Variants in SLC12A2 observed in about 807,000 individuals in gnomAD.
SLC12A2 encodes Na-K-2Cl cotransporter 1.
A neutral mutation model predicts 136.3 loss-of-function variants in SLC12A2; 67 were observed. That is an observed-to-expected ratio of 0.49 (90% CI 0.40 to 0.60). The LOEUF (loss-of-function observed/expected upper bound fraction) is 0.60. Ranked by LOEUF, SLC12A2 falls within the 20% of genes least tolerant of loss-of-function variation. The pLI is 0.00. For synonymous variants in SLC12A2, 619 were observed against 562.9 expected (o/e 1.10, Z -1.41); for missense variants, 1,322 against 1,534.7 (o/e 0.86, Z 2.32).
In SLC12A2 at chr5:128,187,806, C is replaced by T. The variant is rs1181673687; in HGVS notation, c.*1175C>T. 1 of 152,504 alleles carries T rather than the reference C, an allele frequency of 6.6e-6. No individual in the cohort carries two copies. Among genetic ancestry groups the T allele is most frequent in the Non-Finnish European group, 1.5e-5 (1 of 67,990 alleles). The allele number at this position is 152,504 out of a possible 1,614,324, so 9.4% of individuals were successfully genotyped here. A position where few individuals can be genotyped will look rare whatever the true frequency, so the allele number is the denominator to read the frequency against. ...TGTTAAGAAAAACTGCCAGTTTGTGCTTTTGAAATGTCTGTTTTGACATCA... is the reference window on the plus strand; with the variant it reads ...TGTTAAGAAAAACTGCCAGTTTGTGTTTTTGAAATGTCTGTTTTGACATCA... On this transcript the variant is annotated 3_prime_UTR_variant, in exon 27 of 27. Transcript: ENST00000262461.
chr5:128,148,962 A>G (rs1285869768), intron 12 of SLC12A2, 85 bp downstream of exon 12: 4 of 1,142,272 alleles, frequency 3.5e-6, no homozygotes. Flanking sequence ...TAACAATGTT[A>G]TCTTGGTATA....
intron 9 of SLC12A2, 137 bp downstream of exon 9, chr5:128,139,045 A>T (rs1000010066): frequency 6.0e-5 from 39 of 645,142 alleles, no homozygotes; most frequent in Non-Finnish European, 9.4e-5. Flanking sequence ...TGCTCATTAT[A>T]ATTCAAAAAC....
At chr5:128,146,384 T>G (rs1353450961) in intron 10 of SLC12A2, among the ~76,000 whole-genome samples, 1 of 151,760 alleles carries the variant, frequency 6.6e-6, no homozygotes, top group Non-Finnish European at 1.5e-5. Context: ...ATAGTGTCAT[T>G]TTAAAATCAT....
intron 6 of SLC12A2, 57 bp downstream of exon 6, chr5:128,134,332 G>A: frequency 3.3e-6 from 3 of 917,440 alleles, no homozygotes; most frequent in Non-Finnish European, 5.4e-6. Context: ...TAGAGCTTAT[G>A]TTTTGGGAAC....
At chr5:128,151,498 G>T in intron 14 of SLC12A2, 102 bp downstream of exon 14, 1 of 1,106,374 alleles carries the variant, frequency 9.0e-7, no homozygotes, top group South Asian at 1.6e-5. Context: ...ATCATCTTTT[G>T]TATATTTGAA....
intron 1 of SLC12A2, among the ~76,000 whole-genome samples, chr5:128,094,285 A>T (rs1392763031): frequency 6.6e-6 from 1 of 151,362 alleles, no homozygotes; most frequent in African/African-American, 2.4e-5. Context: ...AATAGGCCTA[A>T]TTCTTTACAT....
chr5:128,165,099 C>T (rs914882786), intron 17 of SLC12A2, among the ~76,000 whole-genome samples: 21 of 152,116 alleles, frequency 1.4e-4, no homozygotes, highest in African/African-American at 4.6e-4. Flanking sequence ...ACCTCAGCCT[C>T]TCAAAGTGCT....
chr5:128,175,507 CTCTTTTT>C (rs962024468), intron 20 of SLC12A2, among the ~76,000 whole-genome samples: 1 of 151,808 alleles, frequency 6.6e-6, no homozygotes, highest in African/African-American at 2.4e-5. Context: ...CTTTCATTTC[CTCTTTTT>C]TGTTTTTTTC....
intron 17 of SLC12A2, among the ~76,000 whole-genome samples, chr5:128,162,005 T>C (rs1295909625): frequency 3.3e-5 from 5 of 152,228 alleles, no homozygotes; most frequent in Admixed American, 2.6e-4. Flanking sequence ...TGGATTTGTA[T>C]AATTCAGAAT....
rs1238147587 is a variant in SLC12A2, at chr5:128,084,248, GGCGGCGGCGGCGGCA to G, written c.306_320del (p.Ala103_Ala107del). The G allele has an allele frequency of 3.1e-5, 38 of 1,233,230 alleles. 2 individuals are homozygous for G. The highest frequency in any genetic ancestry group is 1.3e-4 in the Admixed American group (3 of 23,302). The allele number at this position is 1,233,230 out of a possible 1,614,324, so 76.4% of individuals were successfully genotyped here. ...CCGGGCGGGCCGCTGCTGCGGCGGC[GGCGGCGGCGGCGGCA>G]GCGGCGGCGGCTGGTGCTGGGGCGG... is the stretch of plus-strand genomic sequence containing the variant. On this transcript the variant is annotated inframe_deletion, in exon 1 of 27. Coordinates refer to ENST00000262461, the MANE Select transcript of SLC12A2 (RefSeq NM_001046.3). This position sits in a 1 kb window ranked among gnomAD's most constrained non-coding sequence, Gnocchi z 5.6.
chr5:128,140,456 A>T (rs2126710455), intron 9 of SLC12A2, among the ~76,000 whole-genome samples: 1 of 152,348 alleles, frequency 6.6e-6, no homozygotes, highest in South Asian at 2.1e-4. Flanking sequence ...CATTATTGCT[A>T]AAGAAAATTT....
intron 4 of SLC12A2, among the ~76,000 whole-genome samples, chr5:128,118,560 G>T (rs558488001): frequency 3.3e-5 from 5 of 152,228 alleles, no homozygotes; most frequent in African/African-American, 1.2e-4. Flanking sequence ...AGACTTTGGG[G>T]ATGCGGGTGG....
At chr5:128,149,796 A>T (rs1762641275) in intron 12 of SLC12A2, among the ~76,000 whole-genome samples, 1 of 151,918 alleles carries the variant, frequency 6.6e-6, no homozygotes, top group African/African-American at 2.4e-5. Context: ...TAAAGTATAA[A>T]GGGGATTCAA....
intron 15 of SLC12A2, among the ~76,000 whole-genome samples, chr5:128,156,775 A>G (rs747703398): frequency 5.3e-5 from 8 of 152,244 alleles, no homozygotes; most frequent in Admixed American, 1.3e-4. Flanking sequence ...CATGTGGTCA[A>G]AGTCATCACT....
At position 128,141,843 on chromosome 5, in the gene SLC12A2, T is replaced by C. The variant is rs1163970414; in HGVS notation, c.1635T>C (p.Val545=). 1 of 1,613,038 alleles carries C rather than the reference T, an allele frequency of 6.2e-7. No homozygotes were observed. Among genetic ancestry groups the C allele is most frequent in the South Asian group, 1.1e-5 (1 of 90,936 alleles). Residue 545 remains valine (V), a synonymous_variant, in exon 10 of 27, where the codon GTT becomes GTC. Coordinates refer to ENST00000262461, the MANE Select transcript of SLC12A2 (RefSeq NM_001046.3). ...CTTGTGCTTTAGGTTCTTGTGTTGT[T>C]CGAGATGCCACTGGAAACGTTAATG... ...GIAVSVGSCV[V]RDATGNVNDT... is the part of the protein sequence containing the mutation.
chr5:128,090,791 G>T (rs1004071004), intron 1 of SLC12A2, among the ~76,000 whole-genome samples: 4 of 152,160 alleles, frequency 2.6e-5, no homozygotes, highest in African/African-American at 9.7e-5. Context: ...CCTGAGATGG[G>T]AGTGTGCTTG....
intron 19 of SLC12A2, among the ~76,000 whole-genome samples, chr5:128,174,186 A>G (rs1224968708): frequency 6.6e-6 from 1 of 152,152 alleles, no homozygotes; most frequent in Non-Finnish European, 1.5e-5. Flanking sequence ...TGGAACCTGA[A>G]GAGTTTCAGA....
intron 21 of SLC12A2, among the ~76,000 whole-genome samples, chr5:128,177,875 T>G (rs1763582743): frequency 6.6e-6 from 1 of 152,182 alleles, no homozygotes; most frequent in South Asian, 2.1e-4. Context: ...GGAATATAAA[T>G]GGGAACTCCT....
chr5:128,148,738 T>C lies in SLC12A2; in HGVS notation c.1882-16T>C. 6.4e-7 allele frequency: 1 copy of C among 1,563,572 alleles called. No individual in the cohort carries two copies. Among genetic ancestry groups the C allele is most frequent in the East Asian group, 2.3e-5 (1 of 44,074 alleles). Reference sequence around the variant, plus strand: ...CTAATTTTAATATGTTTCATTTTAATGTTTTCTTTCATTAGGCTCTATGTA... The same window carrying C: ...CTAATTTTAATATGTTTCATTTTAACGTTTTCTTTCATTAGGCTCTATGTA... On this transcript the variant is annotated splice_polypyrimidine_tract_variant and intron_variant, in intron 11 of 26. Coordinates refer to ENST00000262461, the MANE Select transcript of SLC12A2 (RefSeq NM_001046.3).
Sources: gnomAD v4.1 joint callset for allele counts (sites outside exome capture counted in the v4.1 genomes callset) on GRCh38, gnomAD v4.1.1 for gene constraint, Gnocchi (gnomAD v3.1) non-coding constraint, MANE v1.5 for transcripts, NCBI Gene and HGNC (gene_info 2026-07-23, HGNC 2026-07-21) for gene names.